Variants in DTX2 observed in about 807,000 individuals in gnomAD.
DTX2 encodes probable E3 ubiquitin-protein ligase DTX2.
A neutral mutation model predicts 55.3 loss-of-function variants in DTX2; 29 were observed. That is an observed-to-expected ratio of 0.52 (90% confidence interval 0.39 to 0.71). The LOEUF is 0.71. DTX2 is among the 30% of genes least tolerant of loss of function. The pLI is 0.00. For synonymous variants in DTX2, 276 were observed against 340.4 expected, an observed-to-expected ratio of 0.81 and a Z score of 2.08; for missense variants, 537 against 822.5, an observed-to-expected ratio of 0.65 and a Z score of 4.25.
intron 6 of DTX2, among the ~76,000 whole-genome samples, chr7:76,498,997 GTA>G: frequency 1.9e-5 from 1 of 52,038 alleles, no homozygotes; most frequent in Non-Finnish European, 3.5e-5. Context: ...GGTGAGGTGT[GTA>G]GGGTGTGTAG....
At chr7:76,489,278 G>GTC (rs1204111468) in intron 4 of DTX2, among the ~76,000 whole-genome samples, 3 of 25,270 alleles carry the variant, frequency 1.2e-4, no homozygotes, top group East Asian at 1.3e-3. Flanking sequence ...GCAAGATTCT[G>GTC]TCTCTCTCTC....
rs1197983414 is a variant in DTX2, at chr7:76,505,151, C to T, written c.1642-223C>T. On this transcript the variant is annotated intron_variant, in intron 10 of 10. Transcript: ENST00000430490. The surrounding 1 kb of genome is among the most constrained non-coding windows in gnomAD (Gnocchi z 4.4). ...GGACCAAACGGATGGCAGTGCCAGG[C>T]ACTGAGGCGGGGTGGGCTGGAGCCC... Among the ~76,000 whole-genome samples, 2 of 152,016 alleles carry T rather than the reference C, an allele frequency of 1.3e-5. No homozygotes were observed. Among genetic ancestry groups the T allele is most frequent in the Non-Finnish European group, 2.9e-5 (2 of 67,978 alleles).
chr7:76,499,584 G>A (rs1303295240), intron 6 of DTX2, among the ~76,000 whole-genome samples: 1 of 149,346 alleles, frequency 6.7e-6, no homozygotes, highest in Non-Finnish European at 1.5e-5. Flanking sequence ...TGTCAGGAGC[G>A]CCTCCACGGG....
intron 7 of DTX2, chr7:76,501,897 T>C (rs567671905): frequency 2.6e-3 from 478 of 185,758 alleles, no homozygotes; most frequent in African/African-American, 0.01. Context: ...ACTTTTTTTT[T>C]TTTTTTTCTG....
At chr7:76,477,337 CG>C (rs1019263449) in intron 2 of DTX2, among the ~76,000 whole-genome samples, 7 of 138,024 alleles carry the variant, frequency 5.1e-5, no homozygotes, top group African/African-American at 2.0e-4. Flanking sequence ...CCCTTGTGGC[CG>C]TTCCTCCTTG....
At chr7:76,481,686 A>G (rs1295410377) in intron 3 of DTX2, among the ~76,000 whole-genome samples, 1 of 151,986 alleles carries the variant, frequency 6.6e-6, no homozygotes, top group Non-Finnish European at 1.5e-5. Context: ...GGTGGAGGCC[A>G]GGGATGCTGC....
chr7:76,476,659 T>A (rs1048029272), intron 2 of DTX2, among the ~76,000 whole-genome samples: 2 of 150,594 alleles, frequency 1.3e-5, no homozygotes, highest in African/African-American at 2.4e-5. Context: ...TCTGGAAGGA[T>A]GGGCGTGTTT....
intron 5 of DTX2, among the ~76,000 whole-genome samples, chr7:76,493,812 G>A (rs888909172): frequency 2.0e-4 from 27 of 133,256 alleles, no homozygotes; most frequent in Non-Finnish European, 3.2e-4. Flanking sequence ...GCGGGGGGTT[G>A]TGAGGGGGGA....
chr7:76,468,445 G>T (rs1254224925), intron 2 of DTX2, among the ~76,000 whole-genome samples: 1 of 64,018 alleles, frequency 1.6e-5, no homozygotes, highest in African/African-American at 6.2e-5. Flanking sequence ...CTGGCCCACT[G>T]CCATTTTTTT....
chr7:76,477,728 A>G (rs1799183), intron 2 of DTX2, among the ~76,000 whole-genome samples: 51,152 of 112,030 alleles, frequency 0.46, 12,360 homozygotes, highest in African/African-American at 0.54. Context: ...AGCCCAGGAG[A>G]CCATGGGGCT....
At chr7:76,486,846 G>GGCTGCTGCTGCTGCTGCTGCTGCT (rs370235862) in intron 4 of DTX2, among the ~76,000 whole-genome samples, 5 of 79,836 alleles carry the variant, frequency 6.3e-5, no homozygotes, top group African/African-American at 2.8e-4. Context: ...TGTTGTGGTG[G>GGCTGCTGCTGCTGCTGCTGCTGCT]GCTGCTGCTG....
Position 76,503,411 on chromosome 7 carries a change from G to A in DTX2, c.1390-15G>A, listed in dbSNP as rs376852955. The A allele has an allele frequency of 2.8e-5, 45 of 1,610,576 alleles. No homozygotes were observed. The highest frequency in any genetic ancestry group is 1.7e-4 in the African/African-American group (13 of 74,856). ...TCAGACTGCCAGCTCAGTGGGTTGCGTCTGCCTCTGTCAGGATGGAAGTCT... is the reference window on the plus strand; with the variant it reads ...TCAGACTGCCAGCTCAGTGGGTTGCATCTGCCTCTGTCAGGATGGAAGTCT... On this transcript the variant is annotated splice_polypyrimidine_tract_variant and intron_variant, in intron 8 of 10. Coordinates refer to ENST00000430490, the MANE Select transcript of DTX2 (RefSeq NM_001102594.3).
chr7:76,500,456 C>G lies in DTX2; in HGVS notation c.1166C>G (p.Pro389Arg). The G allele has an allele frequency of 1.3e-6, 1 of 763,494 alleles. No homozygotes were observed. Among genetic ancestry groups the G allele is most frequent in the East Asian group, 2.8e-5 (1 of 35,840 alleles). The allele number at this position is 763,494 out of a possible 1,614,324, so 47.3% of individuals were successfully genotyped here. A position where few individuals can be genotyped will look rare whatever the true frequency, so the allele number is the denominator to read the frequency against. The change falls in exon 7 of 11, where the codon CCA becomes CGA. Residue 389 changes from proline to arginine, a missense_variant. Pro to Arg is a moderately radical substitution (Grantham distance 103). Around this residue, in one of 7 missense-constraint regions of DTX2, gnomAD observed 5 missense variants for 87.2 expected, o/e 0.06. Transcript: ENST00000430490. ...TCTCTTCTAGGAGCGACCCCGAAGC[C>G]AGAGCCAGAGCCAGAGCAGGTCATA... is the stretch of plus-strand genomic sequence containing the variant. ...KMSVKGATPK[P>R]EPEPEQVIKN... is the part of the protein sequence containing the mutation.
chr7:76,482,902 C>T lies in DTX2; in HGVS notation c.663C>T (p.Leu221=), dbSNP rs144914725. The T allele has an allele frequency of 4.5e-3, 7,319 of 1,613,808 alleles. 47 individuals are homozygous for T. The highest frequency in any genetic ancestry group is 0.035 in the Middle Eastern group (209 of 6,048). The change falls in exon 4 of 11, where the codon CTC becomes CTT. Residue 221 remains leucine (L), a synonymous_variant. Transcript: ENST00000430490. ...GCTACCGCCACTCCATGACCAACCT[C>T]CCTGCATACCCCGTCCCCCAGCACC... ...SGRYRHSMTN[L]PAYPVPQHPP...
intron 8 of DTX2, 81 bp downstream of exon 8, chr7:76,502,537 C>T (rs1031787044): frequency 2.0e-5 from 30 of 1,484,434 alleles, no homozygotes; most frequent in Middle Eastern, 2.5e-4. Context: ...GGGAGGGTTC[C>T]GGGGGTGGCT....
rs759817310 is a variant in DTX2, at chr7:76,480,479, G to A, written c.-31G>A. On this transcript the variant is annotated 5_prime_UTR_variant, in exon 3 of 11. Transcript: ENST00000430490. ...CTCCAGGCCAGAGGGGTCTGAAGCTGTTTGGGAAAGCAGCGGGACTCCTTG... is the reference window on the plus strand; with the variant it reads ...CTCCAGGCCAGAGGGGTCTGAAGCTATTTGGGAAAGCAGCGGGACTCCTTG... 1 of 1,537,714 alleles carries A rather than the reference G, an allele frequency of 6.5e-7. No individual in the cohort carries two copies. The highest frequency in any genetic ancestry group is 8.7e-7 in the Non-Finnish European group (1 of 1,144,546).
intron 3 of DTX2, among the ~76,000 whole-genome samples, chr7:76,482,155 C>T (rs1809303073): frequency 6.6e-6 from 1 of 151,656 alleles, no homozygotes; most frequent in Non-Finnish European, 1.5e-5. Context: ...TGGCAGAGAG[C>T]AGGAAGTGTT....
intron 4 of DTX2, among the ~76,000 whole-genome samples, chr7:76,483,768 G>C (rs1374967907): frequency 6.6e-6 from 1 of 150,860 alleles, no homozygotes; most frequent in Non-Finnish European, 1.5e-5. Flanking sequence ...AAAATGAGGA[G>C]ATTGGTCAGG....
At chr7:76,476,678 G>A (rs895562118) in intron 2 of DTX2, among the ~76,000 whole-genome samples, 4 of 151,308 alleles carry the variant, frequency 2.6e-5, no homozygotes, top group African/African-American at 9.7e-5. Context: ...TTGCTTGGGG[G>A]CTGGTATAGA....
Sources: allele counts gnomAD v4.1 joint callset (sites outside exome capture counted in the v4.1 genomes callset), GRCh38; gene constraint gnomAD v4.1.1; regional missense constraint gnomAD v4.1.1; non-coding constraint Gnocchi (gnomAD v3.1); transcripts MANE v1.5; gene names NCBI Gene and HGNC (gene_info 2026-07-23, HGNC 2026-07-21).